Variants in CDK5RAP2 observed in about 807,000 individuals in gnomAD.
The protein encoded by CDK5RAP2 is CDK5 regulatory subunit associated protein 2.
In CDK5RAP2, 147 loss-of-function variants were observed where a neutral mutation model predicts 232.9. That is an observed-to-expected ratio of 0.63 (90% CI 0.55 to 0.72). The LOEUF is 0.72. CDK5RAP2 is among the 30% of genes least tolerant of loss of function. The probability of loss-of-function intolerance (pLI) is 0.00; values close to 1 mark genes in which losing one functional copy is unlikely to be tolerated. For missense variants in CDK5RAP2, 2,195 were observed against 2,231.5 expected, an observed-to-expected ratio of 0.98 and a Z score of 0.33; for synonymous variants, 833 against 833.7, an observed-to-expected ratio of 1.00 and a Z score of 0.01.
chr9:120,475,460 A>T (rs550368556), intron 15 of CDK5RAP2, among the ~76,000 whole-genome samples: 5 of 152,222 alleles, frequency 3.3e-5, no homozygotes, highest in African/African-American at 9.6e-5. Context: ...ATATCCACCC[A>T]CAAGGCCTCT....
At position 120,471,776 on chromosome 9, in the gene CDK5RAP2, C is replaced by T. The variant is rs2037719737; in HGVS notation, c.1830G>A (p.Glu610=). Residue 610 remains glutamate, a synonymous_variant, in exon 16 of 38, where the codon GAG becomes GAA. Coordinates refer to ENST00000349780, the MANE Select transcript of CDK5RAP2 (RefSeq NM_018249.6). ...CCCGCCTCCGAATTTCGCTGATCTG[C>T]TCCTCCAAGGTCTTCCGCAAATTCT... The part of the protein sequence containing the change: ...SYQNLRKTLE[E]QISEIRRREE... 2.5e-6 allele frequency: 4 copies of T among 1,614,032 alleles called. No individual in the cohort carries two copies. Among genetic ancestry groups the T allele is most frequent in the South Asian group, 1.1e-5 (1 of 91,088 alleles).
chr9:120,420,372 A>G (rs1182430197), intron 26 of CDK5RAP2, among the ~76,000 whole-genome samples: 1 of 152,164 alleles, frequency 6.6e-6, no homozygotes, highest in African/African-American at 2.4e-5. Context: ...AAACTGGCCC[A>G]CTGTCTCACG....
At chr9:120,489,937 A>T (rs1452619418) in intron 13 of CDK5RAP2, among the ~76,000 whole-genome samples, 1 of 151,650 alleles carries the variant, frequency 6.6e-6, no homozygotes, top group Non-Finnish European at 1.5e-5. Context: ...CCTCCCGAGT[A>T]GCTGGGATTA....
At position 120,536,374 on chromosome 9, in the gene CDK5RAP2, G is replaced by T. The variant is rs761626365; in HGVS notation, c.660C>A (p.Asp220Glu). The T allele has an allele frequency of 3.2e-5, 52 of 1,613,948 alleles. No individual in the cohort carries two copies. Among genetic ancestry groups the T allele is most frequent in the Non-Finnish European group, 4.2e-5 (49 of 1,179,944 alleles). The change falls in exon 7 of 38, where the codon GAC (aspartate) becomes GAA (glutamate). Residue 220 changes from aspartate (D) to glutamate (E), a missense_variant and splice_region_variant. Transcript: ENST00000349780. The stretch of plus-strand genomic sequence containing the variant: ...TATGACAGGGACAAGAGCCAGACCT[G>T]TCTTTCTCATCCAGGACCAGAGCCA... ...LAMALVLDEK[D>E]RLIEELKLSL...
chr9:120,528,042 G>T, intron 9 of CDK5RAP2, 117 bp from the exon 10 acceptor site: 3 of 1,366,108 alleles, frequency 2.2e-6, no homozygotes, highest in Non-Finnish European at 3.1e-6. Flanking sequence ...CTGTCAACCT[G>T]TGATTAATGT....
chr9:120,453,428 T>C, intron 21 of CDK5RAP2, 28 bp downstream of exon 21: 8 of 1,586,916 alleles, frequency 5.0e-6, no homozygotes, highest in Non-Finnish European at 6.0e-6. Context: ...ATAAAGTAAG[T>C]ACATAATTAT....
At chr9:120,471,703 C>A (rs1464585055) in intron 16 of CDK5RAP2, 45 bp downstream of exon 16, 1 of 1,613,498 alleles carries the variant, frequency 6.2e-7, no homozygotes, top group Non-Finnish European at 8.5e-7. Context: ...TCCATGCCCT[C>A]CAAGTGGAAA....
intron 12 of CDK5RAP2, among the ~76,000 whole-genome samples, chr9:120,498,385 T>C (rs2131696168): frequency 6.6e-6 from 1 of 152,262 alleles, no homozygotes; most frequent in South Asian, 2.1e-4. Context: ...TTTCACAAAA[T>C]AACTGACCAG....
intron 21 of CDK5RAP2, among the ~76,000 whole-genome samples, chr9:120,449,486 T>G (rs530138440): frequency 6.2e-4 from 94 of 152,338 alleles, no homozygotes; most frequent in Admixed American, 3.9e-3. Flanking sequence ...CCATACTCTC[T>G]GTATAGCTTC....
At chr9:120,469,233 C>A (rs1564262528) in intron 17 of CDK5RAP2, among the ~76,000 whole-genome samples, 1 of 152,158 alleles carries the variant, frequency 6.6e-6, no homozygotes, top group Non-Finnish European at 1.5e-5. Flanking sequence ...GAGACCTGGG[C>A]AAACTCCGAA....
chr9:120,540,309 G>A (rs1240065155), intron 5 of CDK5RAP2, among the ~76,000 whole-genome samples: 1 of 152,158 alleles, frequency 6.6e-6, no homozygotes, highest in Non-Finnish European at 1.5e-5. Context: ...CCTAAGGCTG[G>A]TTTCTCAGAA....
At chr9:120,455,826 T>G (rs1326598494) in intron 20 of CDK5RAP2, among the ~76,000 whole-genome samples, 1 of 151,780 alleles carries the variant, frequency 6.6e-6, no homozygotes, top group Non-Finnish European at 1.5e-5. Flanking sequence ...GCTCCCCTCA[T>G]GCTGGTCTAA....
At chr9:120,473,722 C>T (rs972008242) in intron 15 of CDK5RAP2, among the ~76,000 whole-genome samples, 2 of 152,172 alleles carry the variant, frequency 1.3e-5, no homozygotes, top group Non-Finnish European at 2.9e-5. Context: ...TGTCACAGCA[C>T]AGCACTCGCT....
At chr9:120,531,875 G>C (rs550004727) in intron 7 of CDK5RAP2, among the ~76,000 whole-genome samples, 1 of 152,322 alleles carries the variant, frequency 6.6e-6, no homozygotes, top group South Asian at 2.1e-4. Flanking sequence ...CTGGAAAGAG[G>C]TGTAAGATTG....
chr9:120,404,031 T>C lies in CDK5RAP2; in HGVS notation c.5041+5A>G. 1 of 1,598,744 alleles carries C rather than the reference T, an allele frequency of 6.3e-7. No homozygotes were observed. Among genetic ancestry groups the C allele is most frequent in the Non-Finnish European group, 8.6e-7 (1 of 1,165,922 alleles). On this transcript the variant is annotated splice_donor_5th_base_variant and intron_variant, in intron 33 of 37. Transcript: ENST00000349780. Reference sequence around the variant, plus strand: ...CCCACAGTTACCTGGACTTCAGCTTTGTACCTGATTTTGGTGTCACTGCCT... The same window carrying C: ...CCCACAGTTACCTGGACTTCAGCTTCGTACCTGATTTTGGTGTCACTGCCT...
chr9:120,423,782 A>AAAAGCAAT (rs2034715096), intron 25 of CDK5RAP2, among the ~76,000 whole-genome samples: 1 of 152,244 alleles, frequency 6.6e-6, no homozygotes, highest in African/African-American at 2.4e-5. Context: ...TTTCAAAACT[A>AAAAGCAAT]TTCCTAAAAG....
At chr9:120,487,695 C>T (rs139334875) in intron 13 of CDK5RAP2, among the ~76,000 whole-genome samples, 1 of 152,288 alleles carries the variant, frequency 6.6e-6, no homozygotes, top group East Asian at 1.9e-4. Flanking sequence ...AAACCGTCCT[C>T]GCTCACCACC....
At chr9:120,558,227 G>A (rs756415276) in intron 3 of CDK5RAP2, among the ~76,000 whole-genome samples, 5 of 148,608 alleles carry the variant, frequency 3.4e-5, no homozygotes, top group Non-Finnish European at 6.0e-5. Context: ...ACAAAACTTA[G>A]CTGGGTGTAC....
At chr9:120,535,710 C>G (rs1311142326) in intron 7 of CDK5RAP2, among the ~76,000 whole-genome samples, 1 of 152,142 alleles carries the variant, frequency 6.6e-6, no homozygotes, top group East Asian at 1.9e-4. Context: ...AATTTCGTTG[C>G]AAAATATGAT....
Sources: gnomAD v4.1 joint callset for allele counts (sites outside exome capture counted in the v4.1 genomes callset) on GRCh38, gnomAD v4.1.1 for gene constraint, MANE v1.5 for transcripts, NCBI Gene and HGNC (gene_info 2026-07-23, HGNC 2026-07-21) for gene names.